The following NRXN1 variants were observed in gnomAD, a reference collection of about 807,000 sequenced individuals.
NRXN1 encodes the protein neurexin-1.
Under a neutral mutation model 150.9 loss-of-function variants are expected in NRXN1, and 39 were observed. The ratio of observed to expected loss-of-function variants is 0.26; its 90% CI spans 0.20 to 0.34. The LOEUF is 0.34. Ranked by LOEUF, NRXN1 falls within the 10% of genes least tolerant of loss-of-function variation. The pLI is 1.00. For synonymous variants in NRXN1, 924 were observed against 757.0 expected (o/e 1.22, Z -3.62); for missense variants, 1,815 against 1,949.9 (o/e 0.93, Z 1.30).
rs368549770 is a variant in NRXN1, at chr2:51,027,954, G to C, written c.320C>G (p.Thr107Arg). ...CAEPATLLAD[T>R]PVNDGAWHSV... is the part of the protein sequence containing the mutation. Reference sequence around the variant, plus strand: ...GTGCCAGGCGCCGTCGTTAACCGGCGTGTCGGCCAGGAGCGTCGCAGGCTC... The same window carrying C: ...GTGCCAGGCGCCGTCGTTAACCGGCCTGTCGGCCAGGAGCGTCGCAGGCTC... Residue 107 changes from threonine (T) to arginine (R), a missense_variant, in exon 2 of 23, where the codon ACG becomes AGG. Physicochemically the swap from Thr to Arg is moderately conservative, Grantham distance 71. Transcript: ENST00000401669. 5 of 1,603,048 alleles carry C rather than the reference G, an allele frequency of 3.1e-6. No homozygotes were observed. In the East Asian group the frequency reaches 6.7e-5, roughly 21 times the overall value.
chr2:50,219,088 T>C (rs550364312), intron 18 of NRXN1, among the ~76,000 whole-genome samples: 1 of 152,146 alleles, frequency 6.6e-6, no homozygotes, highest in East Asian at 1.9e-4. Flanking sequence ...AAAGACTGCT[T>C]TGGATTTTAA....
At chr2:49,961,320 GCACACACACACACACACACACACA>G (rs71401054) in intron 21 of NRXN1, among the ~76,000 whole-genome samples, 1 of 145,780 alleles carries the variant, frequency 6.9e-6, no homozygotes, top group African/African-American at 2.5e-5. Flanking sequence ...GCGCACGCAT[GCACACACACACACACACACACACA>G]CACATCAATC....
At chr2:50,932,630 T>C (rs1474792628) in intron 2 of NRXN1, among the ~76,000 whole-genome samples, 5 of 152,000 alleles carry the variant, frequency 3.3e-5, no homozygotes, top group African/African-American at 9.7e-5. Context: ...AGGTACAGTG[T>C]ACACTGCTCG....
intron 5 of NRXN1, among the ~76,000 whole-genome samples, chr2:50,920,346 C>T (rs1167547426): frequency 6.6e-6 from 1 of 151,552 alleles, no homozygotes; most frequent in Non-Finnish European, 1.5e-5. Context: ...ATTAAGTACA[C>T]CAAAACAAAT....
At chr2:49,956,818 T>A (rs994621672) in intron 21 of NRXN1, among the ~76,000 whole-genome samples, 1 of 152,190 alleles carries the variant, frequency 6.6e-6, no homozygotes, top group East Asian at 1.9e-4. Flanking sequence ...GCCCTGTATA[T>A]AACTGTTGAT....
chr2:50,673,475 C>T (rs772511457), intron 5 of NRXN1, among the ~76,000 whole-genome samples: 6 of 151,932 alleles, frequency 3.9e-5, no homozygotes, highest in Non-Finnish European at 8.8e-5. Flanking sequence ...TGTAAAAACC[C>T]AATGATTCCC....
At chr2:50,097,673 C>T (rs12474335) in intron 18 of NRXN1, among the ~76,000 whole-genome samples, 1 of 150,932 alleles carries the variant, frequency 6.6e-6, no homozygotes, top group Non-Finnish European at 1.5e-5. Context: ...GAGTTTCACT[C>T]TTATTGCCCA....
At chr2:50,012,915 T>G (rs1685950081) in intron 21 of NRXN1, among the ~76,000 whole-genome samples, 1 of 152,122 alleles carries the variant, frequency 6.6e-6, no homozygotes, top group Non-Finnish European at 1.5e-5. Flanking sequence ...GGACCTTCAA[T>G]GCTTGTGGCT....
At chr2:50,014,106 G>T (rs11125282) in intron 21 of NRXN1, among the ~76,000 whole-genome samples, 21,885 of 150,612 alleles carry the variant, frequency 0.15, 2,103 homozygotes, top group East Asian at 0.34. Context: ...TTTTTTTTTT[G>T]TTTTTGTTTT....
At chr2:50,378,106 G>A (rs2080661397) in intron 17 of NRXN1, among the ~76,000 whole-genome samples, 1 of 152,154 alleles carries the variant, frequency 6.6e-6, no homozygotes, top group Admixed American at 6.6e-5. Context: ...CAATAGGTTA[G>A]TCAGTATATG....
intron 17 of NRXN1, among the ~76,000 whole-genome samples, chr2:50,444,546 C>T (rs756304830): frequency 5.9e-5 from 9 of 152,142 alleles, no homozygotes; most frequent in East Asian, 1.9e-4. Flanking sequence ...ACTCGAATTA[C>T]GTGTCTGCCT....
chr2:50,582,682 A>G (rs941677421), intron 8 of NRXN1, among the ~76,000 whole-genome samples: 1 of 148,728 alleles, frequency 6.7e-6, no homozygotes, highest in African/African-American at 2.5e-5. Flanking sequence ...AAAAAAAAAA[A>G]TCAAAGTACC....
intron 21 of NRXN1, among the ~76,000 whole-genome samples, chr2:49,977,043 C>T (rs960748684): frequency 2.1e-4 from 32 of 152,228 alleles, no homozygotes; most frequent in African/African-American, 3.6e-4. Context: ...CAAATTTTCA[C>T]GTGTTTCCTC....
At chr2:50,654,400 G>A (rs934107753) in intron 5 of NRXN1, among the ~76,000 whole-genome samples, 11 of 151,834 alleles carry the variant, frequency 7.2e-5, no homozygotes, top group African/African-American at 2.4e-4. Context: ...TGGTGTATAT[G>A]TGCCACATTT....
At chr2:50,725,260 C>A (rs1697198458) in intron 5 of NRXN1, among the ~76,000 whole-genome samples, 1 of 150,336 alleles carries the variant, frequency 6.7e-6, no homozygotes, top group African/African-American at 2.4e-5. Context: ...AAATAAAGTT[C>A]TGTAATTTTG....
chr2:50,927,241 G>A (rs952091126), intron 2 of NRXN1, among the ~76,000 whole-genome samples: 4 of 151,954 alleles, frequency 2.6e-5, no homozygotes, highest in African/African-American at 9.7e-5. Flanking sequence ...ATTGGATAAA[G>A]TTACTAGTGA....
chr2:50,567,446 C>T (rs2105435484), intron 8 of NRXN1, among the ~76,000 whole-genome samples: 1 of 152,194 alleles, frequency 6.6e-6, no homozygotes, highest in Admixed American at 6.5e-5. Flanking sequence ...GTGAGATACT[C>T]ACTTTGGAAC....
Position 50,347,527 on chromosome 2 carries a change from G to A in NRXN1, c.3365-110557C>T. ...TCAGCCCCGGCCGGCTCGCCCGCTA[G>A]CGCCAGCCTCCCCCGGGCAGCGCGC... On this transcript the variant is annotated intron_variant, in intron 17 of 22. Transcript: ENST00000401669. This position sits in a 1 kb window ranked among gnomAD's most constrained non-coding sequence, Gnocchi z 4.9. 1.9e-6 allele frequency: 2 copies of A among 1,045,538 alleles called. No homozygotes were observed. Among genetic ancestry groups the A allele is most frequent in the African/African-American group, 1.7e-5 (1 of 57,658 alleles). The allele number at this position is 1,045,538 out of a possible 1,614,324, so 64.8% of individuals were successfully genotyped here. A position where few individuals can be genotyped will look rare whatever the true frequency, so the allele number is the denominator to read the frequency against.
chr2:50,201,467 C>T (rs2062158126), intron 18 of NRXN1, among the ~76,000 whole-genome samples: 1 of 152,094 alleles, frequency 6.6e-6, no homozygotes. Flanking sequence ...GGGCAAGGAT[C>T]CAGTGGAGCT....
Sources: gnomAD v4.1 joint callset for allele counts (sites outside exome capture counted in the v4.1 genomes callset) on GRCh38, gnomAD v4.1.1 for gene constraint, Gnocchi (gnomAD v3.1) non-coding constraint, MANE v1.5 for transcripts, NCBI Gene and HGNC (gene_info 2026-07-23, HGNC 2026-07-21) for gene names.